The following MORC4 variants were observed in gnomAD, a reference collection of about 807,000 sequenced individuals.
MORC4 encodes MORC family CW-type zinc finger 4.
A neutral mutation model predicts 65.5 loss-of-function variants in MORC4; 22 were observed. The ratio of observed to expected loss-of-function variants is 0.34; its 90% confidence interval spans 0.24 to 0.48. The LOEUF is 0.48. Ranked by LOEUF, MORC4 falls within the 20% of genes least tolerant of loss-of-function variation. The probability of loss-of-function intolerance (pLI) is 0.99; values close to 1 mark genes in which losing one functional copy is unlikely to be tolerated. For missense variants in MORC4, 624 were observed against 703.0 expected, an observed-to-expected ratio of 0.89 and a Z score of 1.27; for synonymous variants, 267 against 255.8, an observed-to-expected ratio of 1.04 and a Z score of -0.42.
chrX:106,966,215 C>G (rs892096626), intron 9 of MORC4, among the ~76,000 whole-genome samples: 1 of 112,251 alleles, frequency 8.9e-6, no homozygotes, highest in Non-Finnish European at 1.9e-5. Flanking sequence ...AGAGAAAAAG[C>G]TGAGGCTGGG....
At chrX:106,986,506 G>T (rs531827860) in intron 3 of MORC4, among the ~76,000 whole-genome samples, 4 of 111,756 alleles carry the variant, frequency 3.6e-5, no homozygotes, top group African/African-American at 1.3e-4. Flanking sequence ...CGTAGCTGGA[G>T]AAGGCCTTGG....
chrX:106,942,518 T>C lies in MORC4; in HGVS notation c.2373A>G (p.Gln791=). Residue 791 remains glutamine (Q), a synonymous_variant, in exon 15 of 17, where the codon CAA becomes CAG. Transcript: ENST00000355610. ...AGTGGTGAGGTATTACCCTAACCTT[T>C]TGCTGGAACAAATTCCTTTCAGCCA... is the stretch of plus-strand genomic sequence containing the variant. The part of the protein sequence containing the change: ...RVLAERNLFQ[Q]KVEELEQERN... 8.3e-7 allele frequency: 1 copy of C among 1,207,660 alleles called. No individual in the cohort carries two copies. The highest frequency in any genetic ancestry group is 1.8e-5 in the South Asian group (1 of 55,972).
chrX:106,999,652 G>A (rs762110968), intron 2 of MORC4, 25 bp downstream of exon 2: 7 of 1,110,972 alleles, frequency 6.3e-6, no homozygotes, highest in Non-Finnish European at 5.9e-6. Flanking sequence ...GGGCGAACAC[G>A]GCCGGGCCCG....
At chrX:106,941,779 C>A in intron 16 of MORC4, 147 bp from the exon 17 acceptor site, 3 of 796,187 alleles carry the variant, frequency 3.8e-6, no homozygotes, top group Non-Finnish European at 5.4e-6. Context: ...CGCCACCAAG[C>A]ACAGGGAGAC....
chrX:106,999,561 CCCCACCCCAGCCCCGG>C, intron 2 of MORC4, 100 bp downstream of exon 2: 1 of 653,728 alleles, frequency 1.5e-6, no homozygotes, highest in Non-Finnish European at 2.1e-6. Flanking sequence ...GTTCCGAGGC[CCCCACCCCAGCCCCGG>C]CCCGCCCCGC....
In MORC4 at chrX:106,954,141, T is replaced by C. The variant is rs554241614; in HGVS notation, c.1685+772A>G. On this transcript the variant is annotated intron_variant, in intron 14 of 16. Transcript: ENST00000355610. ...ATAATAGTCAGATTACTGATGAACATAGACATTTCTACTATTAGAGAGCAA... is the reference window on the plus strand; with the variant it reads ...ATAATAGTCAGATTACTGATGAACACAGACATTTCTACTATTAGAGAGCAA... Among the ~76,000 whole-genome samples the C allele has an allele frequency of 1.3e-3, 146 of 112,503 alleles. No individual in the cohort carries two copies. The South Asian group carries it at 0.022, about 17-fold the overall frequency.
rs1353637584 is a variant in MORC4 at position 106,968,533 on chromosome X, G to C, written c.1158-6423C>G. Among the ~76,000 whole-genome samples the C allele has an allele frequency of 5.6e-5, 6 of 106,807 alleles. No individual in the cohort carries two copies. In the East Asian group the frequency reaches 1.8e-3, roughly 32 times the overall value. 92.7% of individuals were successfully genotyped at this position (106,807 alleles called of 115,157 possible). On this transcript the variant is annotated intron_variant, in intron 9 of 16. Coordinates refer to ENST00000355610, the MANE Select transcript of MORC4 (RefSeq NM_024657.5). ...GACAAAGACTGGCAAACTGGATAAA[G>C]AGTCAAGACCCACTGGTGTGCTGTA...
intron 14 of MORC4, among the ~76,000 whole-genome samples, chrX:106,951,857 G>A (rs1311660578): frequency 1.8e-5 from 2 of 108,149 alleles, no homozygotes; most frequent in African/African-American, 3.4e-5. Context: ...TTAGCCGGGC[G>A]TGGTGGCACG....
chrX:106,973,406 G>C (rs756700012), intron 9 of MORC4, among the ~76,000 whole-genome samples: 6 of 111,569 alleles, frequency 5.4e-5, no homozygotes, highest in Non-Finnish European at 7.5e-5. Context: ...TGAGACTTTT[G>C]AGCTGATGAC....
chrX:106,947,076 A>T (rs1306899717), intron 14 of MORC4, among the ~76,000 whole-genome samples: 1 of 110,794 alleles, frequency 9.0e-6, no homozygotes, highest in Non-Finnish European at 1.9e-5. Context: ...TTCCAATGTG[A>T]TTTTTTTTCT....
In MORC4 at chrX:106,993,240, G is replaced by A; in HGVS notation, c.298C>T (p.Arg100Ter). Residue 100 changes from arginine (R) to a stop codon, truncating the protein, a stop_gained, in exon 3 of 17, where the codon CGA becomes TGA. Coordinates refer to ENST00000355610, the MANE Select transcript of MORC4 (RefSeq NM_024657.5). LOFTEE classifies it high-confidence loss of function. The part of the protein sequence containing the change: ...GCGMTPHKLH[R>*]MLSFGFTDKV... ...TGAAGACATTTTTACCTGAGCATTC[G>A]GTGTAGTTTATGAGGTGTCATCCCA... 1 of 1,208,735 alleles carries A rather than the reference G, an allele frequency of 8.3e-7. No homozygotes were observed. Among genetic ancestry groups the A allele is most frequent in the Non-Finnish European group, 1.1e-6 (1 of 893,790 alleles).
chrX:106,954,905 T>C lies in MORC4; in HGVS notation c.1685+8A>G, dbSNP rs181479412. On this transcript the variant is annotated splice_region_variant and intron_variant, in intron 14 of 16. Transcript: ENST00000355610. ...TACTATTGACAAGAGATCATGCTTTTTAGTCACCTGGAAAACTGTAAAACA... is the reference window on the plus strand; with the variant it reads ...TACTATTGACAAGAGATCATGCTTTCTAGTCACCTGGAAAACTGTAAAACA... 9.7e-5 allele frequency: 116 copies of C among 1,201,548 alleles called. No homozygotes were observed. The highest frequency in any genetic ancestry group is 3.2e-4 in the African/African-American group (18 of 56,940).
intron 9 of MORC4, among the ~76,000 whole-genome samples, chrX:106,975,920 T>C (rs1237508697): frequency 8.9e-6 from 1 of 111,776 alleles, no homozygotes; most frequent in Non-Finnish European, 1.9e-5. Flanking sequence ...TATTTGTTCA[T>C]AGGTATCAAA....
intron 13 of MORC4, 23 bp from the exon 14 acceptor site, chrX:106,955,111 G>T: frequency 8.9e-7 from 1 of 1,128,433 alleles, no homozygotes. Context: ...GAAATGATTT[G>T]TAAAAGTCTC....
intron 14 of MORC4, 122 bp downstream of exon 14, chrX:106,954,791 T>A (rs1934063274): frequency 1.6e-6 from 1 of 628,064 alleles, no homozygotes; most frequent in African/African-American, 2.3e-5. Context: ...ATTGTGTTTC[T>A]ACTTCTGAAT....
chrX:106,999,060 G>GA (rs1171054036), intron 2 of MORC4, among the ~76,000 whole-genome samples: 1 of 111,949 alleles, frequency 8.9e-6, no homozygotes, highest in Non-Finnish European at 1.9e-5. Flanking sequence ...GGGATCAACT[G>GA]AAAACACTTT....
At chrX:106,976,776 A>C in intron 8 of MORC4, 92 bp from the exon 9 acceptor site, 1 of 586,071 alleles carries the variant, frequency 1.7e-6, no homozygotes, top group Non-Finnish European at 2.8e-6. Flanking sequence ...GAAAGGTTAC[A>C]TAACCTTCAT....
At chrX:106,958,573 A>C in intron 10 of MORC4, 109 bp from the exon 11 acceptor site, 12 of 652,479 alleles carry the variant, frequency 1.8e-5, no homozygotes, top group Non-Finnish European at 2.6e-5. Context: ...CATATATGAA[A>C]TATGTTGGGA....
intron 7 of MORC4, among the ~76,000 whole-genome samples, chrX:106,980,412 G>A (rs932539449): frequency 5.4e-5 from 6 of 110,805 alleles, no homozygotes; most frequent in Non-Finnish European, 9.5e-5. Flanking sequence ...ATCAATGTAA[G>A]TCTGGACCTG....
Sources: allele counts gnomAD v4.1 joint callset (sites outside exome capture counted in the v4.1 genomes callset), GRCh38; gene constraint gnomAD v4.1.1; transcripts MANE v1.5; gene names NCBI Gene and HGNC (gene_info 2026-07-23, HGNC 2026-07-21).